The following ARHGAP42 variants were observed in gnomAD, a reference collection of about 807,000 sequenced individuals.
ARHGAP42 encodes the protein rho GTPase-activating protein 42.
A neutral mutation model predicts 125.0 loss-of-function variants in ARHGAP42; 63 were observed. The observed-to-expected ratio is 0.50, with a 90% CI of 0.41 to 0.62. The LOEUF is 0.62. Among genes scored for constraint, ARHGAP42 ranks in the 20% least tolerant of loss-of-function variants. The probability of loss-of-function intolerance (pLI) is 0.00; values close to 1 mark genes in which losing one functional copy is unlikely to be tolerated. For synonymous variants in ARHGAP42, 339 were observed against 351.0 expected (o/e 0.97, Z 0.38); for missense variants, 766 against 1,024.2 (o/e 0.75, Z 3.44).
At chr11:100,776,611 G>C (rs1863130521) in intron 2 of ARHGAP42, among the ~76,000 whole-genome samples, 1 of 152,172 alleles carries the variant, frequency 6.6e-6, no homozygotes, top group East Asian at 1.9e-4. Flanking sequence ...GACATAACTA[G>C]TGTATTGCTG....
Position 100,992,703 on chromosome 11 carries a change from G to T in ARHGAP42, c.*3902G>T. 6.4e-7 allele frequency: 1 copy of T among 1,559,728 alleles called. No individual in the cohort carries two copies. Among genetic ancestry groups the T allele is most frequent in the Non-Finnish European group, 8.6e-7 (1 of 1,156,094 alleles). On this transcript the variant is annotated 3_prime_UTR_variant, in exon 24 of 24. Coordinates refer to ENST00000298815, the MANE Select transcript of ARHGAP42 (RefSeq NM_152432.4). ...AAAATGCAGGTTTATGAATGATGTG[G>T]ACTTTTAGAGGATCAAATCAATAAA... is the stretch of plus-strand genomic sequence containing the variant.
At chr11:100,863,079 C>CACACA (rs112234347) in intron 4 of ARHGAP42, among the ~76,000 whole-genome samples, 1,435 of 110,402 alleles carry the variant, frequency 0.013, 25 homozygotes, top group African/African-American at 0.052. Flanking sequence ...CACACACACA[C>CACACA]ACAACAACAA....
At chr11:100,767,522 C>G (rs776961841) in intron 1 of ARHGAP42, among the ~76,000 whole-genome samples, 104 of 152,022 alleles carry the variant, frequency 6.8e-4, no homozygotes, top group Admixed American at 1.4e-3. Flanking sequence ...CTTTTTCAGT[C>G]AGGGTACGAG....
chr11:100,980,559 C>CTCCTTTTTTT (rs1858510599), intron 22 of ARHGAP42, among the ~76,000 whole-genome samples: 1 of 51,962 alleles, frequency 1.9e-5, no homozygotes, highest in Admixed American at 3.5e-4. Context: ...TTTTCTTCTT[C>CTCCTTTTTTT]TTTTTTTTTT....
At chr11:100,803,317 G>A (rs73007666) in intron 3 of ARHGAP42, among the ~76,000 whole-genome samples, 1 of 152,246 alleles carries the variant, frequency 6.6e-6, no homozygotes, top group Non-Finnish European at 1.5e-5. Flanking sequence ...GGAGGAGCTG[G>A]GGCTGGAGAT....
At chr11:100,939,648 T>C (rs528319682) in intron 8 of ARHGAP42, among the ~76,000 whole-genome samples, 1 of 152,320 alleles carries the variant, frequency 6.6e-6, no homozygotes, top group East Asian at 1.9e-4. Flanking sequence ...CCTTAAATGA[T>C]TACTGGGTAA....
chr11:100,823,759 A>G (rs1361114008), intron 3 of ARHGAP42, among the ~76,000 whole-genome samples: 1 of 152,186 alleles, frequency 6.6e-6, no homozygotes, highest in Non-Finnish European at 1.5e-5. Flanking sequence ...ACTGTCAGAG[A>G]ATATTAGGTT....
intron 3 of ARHGAP42, among the ~76,000 whole-genome samples, chr11:100,812,812 G>A (rs140902683): frequency 5.4e-4 from 82 of 152,272 alleles, no homozygotes; most frequent in Non-Finnish European, 5.7e-4. Context: ...TGGGCGGGGG[G>A]ATTATGAAGA....
At chr11:100,960,787 C>A in intron 13 of ARHGAP42, 128 bp from the exon 14 acceptor site, 1 of 500,458 alleles carries the variant, frequency 2.0e-6, no homozygotes, top group Middle Eastern at 2.9e-4. Context: ...GATAGCTTTG[C>A]TAAAGTTAGA....
At chr11:100,843,202 A>T (rs1269429211) in intron 3 of ARHGAP42, among the ~76,000 whole-genome samples, 1 of 152,104 alleles carries the variant, frequency 6.6e-6, no homozygotes, top group Admixed American at 6.6e-5. Context: ...TACATGCATA[A>T]ACTAGAAAAC....
intron 3 of ARHGAP42, among the ~76,000 whole-genome samples, chr11:100,810,584 TG>T (rs1305032113): frequency 6.6e-6 from 1 of 152,136 alleles, no homozygotes; most frequent in Non-Finnish European, 1.5e-5. Flanking sequence ...CTAACTGCCT[TG>T]GTGGAAAAAA....
intron 3 of ARHGAP42, among the ~76,000 whole-genome samples, chr11:100,815,905 G>T (rs930677781): frequency 4.6e-5 from 7 of 152,064 alleles, no homozygotes; most frequent in Admixed American, 4.6e-4. Flanking sequence ...TATAGTATTT[G>T]TCTTTTTGTG....
chr11:100,919,146 G>T (rs1867164648), intron 5 of ARHGAP42, among the ~76,000 whole-genome samples: 1 of 152,038 alleles, frequency 6.6e-6, no homozygotes, highest in Non-Finnish European at 1.5e-5. Context: ...CCCCTGCAAG[G>T]AGCTGTGGCA....
In ARHGAP42 at chr11:100,930,619, T is replaced by A. The variant is rs148655591; in HGVS notation, c.598-2537T>A. On this transcript the variant is annotated intron_variant, in intron 6 of 23. Coordinates refer to ENST00000298815, the MANE Select transcript of ARHGAP42 (RefSeq NM_152432.4). ...GGGTTTATTTTCCTCTTGACTGAAG[T>A]TGGCTGCATATAAAATGCTGAGGAT... is the stretch of plus-strand genomic sequence containing the variant. Among the ~76,000 whole-genome samples the A allele has an allele frequency of 3.9e-3, 592 of 152,264 alleles. 3 individuals are homozygous for A. Among genetic ancestry groups the A allele is most frequent in the African/African-American group, 0.014 (566 of 41,548 alleles).
chr11:100,747,222 T>C (rs1862325262), intron 1 of ARHGAP42, among the ~76,000 whole-genome samples: 1 of 152,254 alleles, frequency 6.6e-6, no homozygotes, highest in Non-Finnish European at 1.5e-5. Context: ...GTGGACTTTA[T>C]AGTCCTTGGT....
At chr11:100,897,324 C>A (rs1424118703) in intron 4 of ARHGAP42, among the ~76,000 whole-genome samples, 1 of 152,182 alleles carries the variant, frequency 6.6e-6, no homozygotes, top group African/African-American at 2.4e-5. Flanking sequence ...GCAATGCTGT[C>A]TCTTTCTTGG....
intron 16 of ARHGAP42, among the ~76,000 whole-genome samples, chr11:100,963,012 T>G (rs950139777): frequency 1.3e-5 from 2 of 152,264 alleles, no homozygotes. Flanking sequence ...GTGTGGTGAT[T>G]ATAAAGAACC....
At position 100,959,870 on chromosome 11, in the gene ARHGAP42, CT is replaced by C; in HGVS notation, c.1163-12del. 6.4e-7 allele frequency: 1 copy of C among 1,550,884 alleles called. No homozygotes were observed. Among genetic ancestry groups the C allele is most frequent in the Non-Finnish European group, 8.7e-7 (1 of 1,146,200 alleles). ...AGCGTAAACACCTAATGCGATTTCTCTCTTATTTTCAGTGTATTTGAATGAA... is the reference window on the plus strand; with the variant it reads ...AGCGTAAACACCTAATGCGATTTCTCCTTATTTTCAGTGTATTTGAATGAA... On this transcript the variant is annotated splice_polypyrimidine_tract_variant and intron_variant, in intron 12 of 23. Transcript: ENST00000298815.
At chr11:100,969,513 G>GA (rs767132151) in intron 17 of ARHGAP42, among the ~76,000 whole-genome samples, 4 of 152,018 alleles carry the variant, frequency 2.6e-5, no homozygotes, top group Non-Finnish European at 4.4e-5. Context: ...TAATGTCACA[G>GA]ATTTTTTTCT....
Sources: allele counts gnomAD v4.1 joint callset (sites outside exome capture counted in the v4.1 genomes callset), GRCh38; gene constraint gnomAD v4.1.1; transcripts MANE v1.5; gene names NCBI Gene and HGNC (gene_info 2026-07-23, HGNC 2026-07-21).